Variants in CLYBL observed in about 807,000 individuals in gnomAD.
The protein encoded by CLYBL is citramalyl-CoA lyase, mitochondrial.
Under a neutral mutation model 38.9 loss-of-function variants are expected in CLYBL, and 31 were observed. The ratio of observed to expected loss-of-function variants is 0.80; its 90% CI spans 0.60 to 1.08. The LOEUF is 1.08. CLYBL is among the 50% of genes least tolerant of loss of function. The pLI is 0.00. For missense variants in CLYBL, 434 were observed against 411.6 expected, an observed-to-expected ratio of 1.05 and a Z score of -0.47; for synonymous variants, 171 against 158.6, an observed-to-expected ratio of 1.08 and a Z score of -0.59.
chr13:99,606,912 C>T lies in CLYBL; in HGVS notation c.62+155C>T, dbSNP rs532230339. ...CGCCTCCCACGCGCTGGCTCGACCT[C>T]GTCCAAGGTCGCTGCCGCCCGCGCC... On this transcript the variant is annotated intron_variant, in intron 1 of 8. Coordinates refer to ENST00000339105, the MANE Select transcript of CLYBL (RefSeq NM_206808.5). Among the ~76,000 whole-genome samples the T allele has an allele frequency of 4.6e-5, 7 of 152,314 alleles. No individual in the cohort carries two copies. In the South Asian group the frequency reaches 1.4e-3, roughly 32 times the overall value.
rs555123532 is a variant in CLYBL at position 99,693,207 on chromosome 13, T to A, written c.63-79617T>A. On this transcript the variant is annotated intron_variant, in intron 1 of 8. Coordinates refer to ENST00000339105, the MANE Select transcript of CLYBL (RefSeq NM_206808.5). ...GCATCTTATATTCATTATCATTAGATCTGTCTCCTCCATTAGGTTTTAAGT... is the reference window on the plus strand; with the variant it reads ...GCATCTTATATTCATTATCATTAGAACTGTCTCCTCCATTAGGTTTTAAGT... Among the ~76,000 whole-genome samples, 3 of 152,330 alleles carry A rather than the reference T, an allele frequency of 2.0e-5. No homozygotes were observed. In the South Asian group the frequency reaches 6.2e-4, roughly 32 times the overall value.
Position 99,748,017 on chromosome 13 carries a change from T to C in CLYBL, c.63-24807T>C, listed in dbSNP as rs952962758. Among the ~76,000 whole-genome samples, 2 of 152,148 alleles carry C rather than the reference T, an allele frequency of 1.3e-5. 1 individual carries two copies. The highest frequency in any genetic ancestry group is 2.9e-5 in the Non-Finnish European group (2 of 68,024). ...GCGTTAAATAGTACATTATGATTAT[T>C]GTGCGACCATCCCCACCACCCATCT... On this transcript the variant is annotated intron_variant, in intron 1 of 8. Transcript: ENST00000339105.
chr13:99,828,182 A>AT (rs2050734398), intron 2 of CLYBL, among the ~76,000 whole-genome samples: 2 of 152,216 alleles, frequency 1.3e-5, no homozygotes, highest in African/African-American at 4.8e-5. Flanking sequence ...AAACTAGATG[A>AT]TGGGCAAAAA....
At chr13:99,816,850 C>T (rs904759971) in intron 2 of CLYBL, among the ~76,000 whole-genome samples, 20 of 152,298 alleles carry the variant, frequency 1.3e-4, no homozygotes, top group African/African-American at 4.6e-4. Context: ...GACTAAGGCT[C>T]CCAAGAAGAT....
chr13:99,828,607 G>A (rs566775439), intron 2 of CLYBL, among the ~76,000 whole-genome samples: 1 of 152,250 alleles, frequency 6.6e-6, no homozygotes, highest in South Asian at 2.1e-4. Context: ...GGGGAGCAGG[G>A]TTTTCTCTTC....
chr13:99,703,887 A>G (rs76223471), intron 1 of CLYBL, among the ~76,000 whole-genome samples: 10,812 of 152,290 alleles, frequency 0.071, 564 homozygotes, highest in African/African-American at 0.14. Flanking sequence ...GCTTATACAT[A>G]TAAGATAATG....
In CLYBL at chr13:99,869,138, GT is replaced by G. The variant is rs1455239878; in HGVS notation, c.803-1798del. Among the ~76,000 whole-genome samples the G allele has an allele frequency of 1.3e-5, 2 of 152,096 alleles. No individual in the cohort carries two copies. The highest frequency in any genetic ancestry group is 2.9e-5 in the Non-Finnish European group (2 of 68,008). ...ACAAAAGAGAACTTCACATATGAAC[GT>G]TCACACATTTCTAAAACCTAACATG... On this transcript the variant is annotated intron_variant, in intron 6 of 8. Coordinates refer to ENST00000339105, the MANE Select transcript of CLYBL (RefSeq NM_206808.5). This position sits in a 1 kb window ranked among gnomAD's most constrained non-coding sequence, Gnocchi z 4.3.
Position 99,606,756 on chromosome 13 carries a change from CTG to C in CLYBL, c.62+2_62+3del, listed in dbSNP as rs2046529322. ...AGCTGCGGCGGCGGCGCTGCTGAGG[CTG>C]TGAGTGCAGGTCCCCGTTCCCCGCC... On this transcript the variant is annotated splice_donor_variant and coding_sequence_variant, in exon 1 of 9. Transcript: ENST00000339105. LOFTEE classifies it high-confidence loss of function. 2 of 1,474,768 alleles carry C rather than the reference CTG, an allele frequency of 1.4e-6. No individual in the cohort carries two copies. The highest frequency in any genetic ancestry group is 2.3e-4 in the Middle Eastern group (1 of 4,262). The allele number at this position is 1,474,768 out of a possible 1,614,324, so 91.4% of individuals were successfully genotyped here.
chr13:99,788,036 T>C (rs2049835553), intron 2 of CLYBL, among the ~76,000 whole-genome samples: 1 of 152,230 alleles, frequency 6.6e-6, no homozygotes, highest in Non-Finnish European at 1.5e-5. Flanking sequence ...TTGTGATTTT[T>C]GCACATTGAT....
intron 1 of CLYBL, among the ~76,000 whole-genome samples, chr13:99,750,054 C>T (rs984210240): frequency 1.3e-5 from 2 of 152,190 alleles, no homozygotes; most frequent in Non-Finnish European, 2.9e-5. Flanking sequence ...CTCTTACCTT[C>T]ACTCAGTACT....
chr13:99,860,187 A>C (rs775613895), intron 3 of CLYBL, among the ~76,000 whole-genome samples: 4 of 152,210 alleles, frequency 2.6e-5, no homozygotes, highest in Non-Finnish European at 5.9e-5. Context: ...CTGAGGGGAC[A>C]AAAAGAGAAT....
chr13:99,866,351 G>A lies in CLYBL; in HGVS notation c.746G>A (p.Arg249Gln), dbSNP rs557696204. The part of the protein sequence containing the change: ...QAIDLVYIDF[R>Q]DGAGLLRQSR... ...ATAGATCTGGTGTACATTGACTTTC[G>A]AGATGGAGCTGGGCTGCTTAGACAG... The change falls in exon 6 of 9, where the codon CGA becomes CAA. Residue 249 changes from arginine (R) to glutamine (Q), a missense_variant. Coordinates refer to ENST00000339105, the MANE Select transcript of CLYBL (RefSeq NM_206808.5). 42 of 1,614,026 alleles carry A rather than the reference G, an allele frequency of 2.6e-5. No individual in the cohort carries two copies. The highest frequency in any genetic ancestry group is 3.4e-5 in the Non-Finnish European group (40 of 1,180,042).
intron 2 of CLYBL, among the ~76,000 whole-genome samples, chr13:99,806,037 T>C (rs1056553730): frequency 2.0e-5 from 3 of 152,224 alleles, no homozygotes; most frequent in Non-Finnish European, 4.4e-5. Flanking sequence ...TTCACTATAA[T>C]TTTATAATTG....
chr13:99,757,529 C>T (rs1054700544), intron 1 of CLYBL, among the ~76,000 whole-genome samples: 25 of 152,254 alleles, frequency 1.6e-4, no homozygotes, highest in African/African-American at 5.8e-4. Flanking sequence ...GATCTCGGCT[C>T]ACTGCAACTT....
intron 1 of CLYBL, among the ~76,000 whole-genome samples, chr13:99,641,000 G>C (rs1279463669): frequency 4.6e-5 from 7 of 152,128 alleles, no homozygotes; most frequent in Admixed American, 4.6e-4. Flanking sequence ...TACATATATT[G>C]TTTTTCTAAT....
intron 2 of CLYBL, among the ~76,000 whole-genome samples, chr13:99,845,143 G>A (rs1325193165): frequency 6.6e-6 from 1 of 152,160 alleles, no homozygotes; most frequent in Non-Finnish European, 1.5e-5. Context: ...AGAACTTCCA[G>A]CCCAGGAGAC....
chr13:99,671,779 C>CA (rs753315768), intron 1 of CLYBL, among the ~76,000 whole-genome samples: 3,656 of 88,688 alleles, frequency 0.041, 146 homozygotes, highest in African/African-American at 0.12. Context: ...GACTCTTTCT[C>CA]AAAAAAAAAA....
At chr13:99,763,565 T>C (rs1313138772) in intron 1 of CLYBL, among the ~76,000 whole-genome samples, 1 of 150,194 alleles carries the variant, frequency 6.7e-6, no homozygotes, top group Middle Eastern at 3.2e-3. Flanking sequence ...TTTTTTTTTT[T>C]TTTTACTAGA....
At chr13:99,648,685 C>A (rs374821251) in intron 1 of CLYBL, among the ~76,000 whole-genome samples, 15 of 152,228 alleles carry the variant, frequency 9.9e-5, no homozygotes, top group African/African-American at 3.4e-4. Flanking sequence ...AGGGTCTTTT[C>A]TACACTTGCT....
Sources: gnomAD v4.1 joint callset for allele counts (sites outside exome capture counted in the v4.1 genomes callset) on GRCh38, gnomAD v4.1.1 for gene constraint, Gnocchi (gnomAD v3.1) non-coding constraint, MANE v1.5 for transcripts, NCBI Gene and HGNC (gene_info 2026-07-23, HGNC 2026-07-21) for gene names.